The following SRSF11 variants were observed in gnomAD, a reference collection of about 807,000 sequenced individuals.
The protein encoded by SRSF11 is serine and arginine rich splicing factor 11.
Under a neutral mutation model 56.0 loss-of-function variants are expected in SRSF11, and 9 were observed. The observed-to-expected ratio is 0.16, with a 90% CI of 0.10 to 0.28. The LOEUF is 0.28. SRSF11 is among the 10% of genes least tolerant of loss of function. The probability of loss-of-function intolerance (pLI) is 1.00; values close to 1 mark genes in which losing one functional copy is unlikely to be tolerated. For synonymous variants in SRSF11, 222 were observed against 215.3 expected, an observed-to-expected ratio of 1.03 and a Z score of -0.27; for missense variants, 421 against 600.7, an observed-to-expected ratio of 0.70 and a Z score of 3.13.
intron 1 of SRSF11, among the ~76,000 whole-genome samples, chr1:70,215,297 T>TA (rs1248518339): frequency 6.6e-6 from 1 of 152,196 alleles, no homozygotes; most frequent in African/African-American, 2.4e-5. Context: ...TATAGCCAAA[T>TA]ACTTTGAGAG....
At position 70,221,609 on chromosome 1, in the gene SRSF11, A is replaced by C; in HGVS notation, c.-28A>C. The C allele has an allele frequency of 1.9e-6, 3 of 1,597,848 alleles. No individual in the cohort carries two copies. The highest frequency in any genetic ancestry group is 2.6e-6 in the Non-Finnish European group (3 of 1,172,222). On this transcript the variant is annotated 5_prime_UTR_variant, in exon 1 of 12. An upstream open reading frame in the 5' UTR loses its in-frame stop. Transcript: ENST00000370949. ...TGTTTGTTGTGTGTTTGATGTGTTA[A>C]AGCAGGAGCGAGAACCCGAGCAGCG...
Position 70,210,138 on chromosome 1 carries a change from T to C in SRSF11, c.-26+4358T>C, listed in dbSNP as rs532201118. ...TGCTCTAGGAGGTTTAATATTTGAT[T>C]CTAATATTTTCTGCTCCCGCCCCCC... On this transcript the variant is annotated intron_variant, in intron 1 of 12. Transcript: ENST00000370950. Among the ~76,000 whole-genome samples, 8 of 152,082 alleles carry C rather than the reference T, an allele frequency of 5.3e-5. No homozygotes were observed. In the East Asian group the frequency reaches 1.4e-3, roughly 26 times the overall value.
In SRSF11 at chr1:70,250,885, C is replaced by A; in HGVS notation, c.*80C>A. 2 of 1,251,834 alleles carry A rather than the reference C, an allele frequency of 1.6e-6. No individual in the cohort carries two copies. The highest frequency in any genetic ancestry group is 1.8e-5 in the Admixed American group (1 of 56,674). 77.5% of individuals were successfully genotyped at this position (1,251,834 alleles called of 1,614,324 possible). A position where few individuals can be genotyped will look rare whatever the true frequency, so the allele number is the denominator to read the frequency against. ...GTGATTTCTTAATGCTGTATTTGTT[C>A]ATCTCAAACCTAGATGTATACAGCT... On this transcript the variant is annotated 3_prime_UTR_variant, in exon 12 of 12. Transcript: ENST00000370949.
At chr1:70,250,279 T>A in intron 10 of SRSF11, 86 bp from the exon 11 acceptor site, 2 of 1,555,760 alleles carry the variant, frequency 1.3e-6, no homozygotes, top group Non-Finnish European at 1.7e-6. Flanking sequence ...GGATCTTTGC[T>A]GTACTACTTA....
chr1:70,225,374 C>T (rs1195043678), intron 1 of SRSF11, among the ~76,000 whole-genome samples: 2 of 152,120 alleles, frequency 1.3e-5, no homozygotes, highest in Non-Finnish European at 2.9e-5. Flanking sequence ...TTGTATATTT[C>T]TTTACATAGT....
chr1:70,238,332 T>C (rs147021819), intron 6 of SRSF11, among the ~76,000 whole-genome samples: 1 of 152,322 alleles, frequency 6.6e-6, no homozygotes, highest in East Asian at 1.9e-4. Context: ...ATTGAAAATA[T>C]ATGATTAAAG....
intron 1 of SRSF11, among the ~76,000 whole-genome samples, chr1:70,227,646 T>C (rs1017921258): frequency 6.6e-6 from 1 of 152,240 alleles, no homozygotes; most frequent in Non-Finnish European, 1.5e-5. Flanking sequence ...AGCTACCCTG[T>C]AACTTAACAG....
At chr1:70,234,584 T>A (rs903631873) in intron 3 of SRSF11, 112 bp from the exon 4 acceptor site, 2 of 764,878 alleles carry the variant, frequency 2.6e-6, no homozygotes, top group Non-Finnish European at 4.2e-6. Flanking sequence ...ACGGAGACCA[T>A]GTAGCCTGAA....
intron 5 of SRSF11, among the ~76,000 whole-genome samples, chr1:70,236,858 C>T (rs1674206446): frequency 8.1e-6 from 1 of 122,830 alleles, no homozygotes; most frequent in African/African-American, 3.1e-5. Context: ...GGCTGGAGTG[C>T]AGTGGCGCGA....
chr1:70,232,166 A>G (rs1672961274), intron 2 of SRSF11, 102 bp from the exon 3 acceptor site: 1 of 1,586,756 alleles, frequency 6.3e-7, no homozygotes, highest in African/African-American at 1.3e-5. Context: ...AAGTACTTTC[A>G]ACAAACTCAG....
intron 1 of SRSF11, among the ~76,000 whole-genome samples, chr1:70,227,475 T>TACCCCCA (rs543434240): frequency 1.3e-5 from 2 of 152,118 alleles, no homozygotes; most frequent in Non-Finnish European, 2.9e-5. Context: ...GAGTGTGGAT[T>TACCCCCA]ACCCCCAACC....
intron 1 of SRSF11, among the ~76,000 whole-genome samples, chr1:70,225,833 A>G (rs1671656886): frequency 6.6e-6 from 1 of 152,210 alleles, no homozygotes; most frequent in Non-Finnish European, 1.5e-5. Context: ...ACGGAGTAAA[A>G]TATGTGTCGT....
At chr1:70,229,144 A>G (rs1251086042) in intron 2 of SRSF11, 24 of 1,267,598 alleles carry the variant, frequency 1.9e-5, no homozygotes, top group African/African-American at 7.7e-5. Context: ...CATTCTTGCT[A>G]TATTTCTAGA....
chr1:70,229,640 A>G, intron 2 of SRSF11: 3 of 984,930 alleles, frequency 3.0e-6, no homozygotes, highest in Non-Finnish European at 3.6e-6. Context: ...TTTCCTTAAT[A>G]AACTGGTCAG....
At chr1:70,223,136 G>C (rs571732955) in intron 1 of SRSF11, among the ~76,000 whole-genome samples, 1 of 152,230 alleles carries the variant, frequency 6.6e-6, no homozygotes, top group Admixed American at 6.5e-5. Context: ...GTTTTCTCAA[G>C]ACTTACTGTT....
At chr1:70,206,821 T>G (rs1669077125) in intron 1 of SRSF11, among the ~76,000 whole-genome samples, 2 of 151,864 alleles carry the variant, frequency 1.3e-5, no homozygotes, top group Non-Finnish European at 2.9e-5. Flanking sequence ...TCCTTTACAC[T>G]AATATCGAAC....
chr1:70,211,271 G>A (rs1334444780), intron 1 of SRSF11, among the ~76,000 whole-genome samples: 1 of 151,820 alleles, frequency 6.6e-6, no homozygotes, highest in Non-Finnish European at 1.5e-5. Context: ...GAGTAAGTCT[G>A]TTTTAAAAAC....
At chr1:70,221,898 A>G (rs1670719956) in intron 1 of SRSF11, 59 bp downstream of exon 1, 2 of 1,600,192 alleles carry the variant, frequency 1.2e-6, no homozygotes, top group African/African-American at 1.3e-5. Flanking sequence ...GGCCTAACAC[A>G]CACAATTTCC....
chr1:70,216,080 G>T (rs986286413), intron 1 of SRSF11, among the ~76,000 whole-genome samples: 1 of 151,986 alleles, frequency 6.6e-6, no homozygotes, highest in African/African-American at 2.4e-5. Context: ...GCCACCGTGC[G>T]TGGCCTGTCT....
Sources: allele counts gnomAD v4.1 joint callset (sites outside exome capture counted in the v4.1 genomes callset), GRCh38; gene constraint gnomAD v4.1.1; transcripts MANE v1.5; gene names NCBI Gene and HGNC (gene_info 2026-07-23, HGNC 2026-07-21).